Variants in KDM4B observed in about 807,000 individuals in gnomAD.
KDM4B encodes the protein lysine-specific demethylase 4B.
KDM4B carries 32 observed loss-of-function variants against 125.2 expected under a neutral mutation model. That is an observed-to-expected ratio of 0.26 (90% confidence interval 0.19 to 0.34). The LOEUF is 0.34. Among genes scored for constraint, KDM4B ranks in the 10% least tolerant of loss-of-function variants. The pLI is 1.00. For missense variants in KDM4B, 1,190 were observed against 1,577.7 expected (o/e 0.75, Z 4.16); for synonymous variants, 721 against 677.9 (o/e 1.06, Z -0.99).
intron 9 of KDM4B, among the ~76,000 whole-genome samples, chr19:5,089,095 G>A (rs1599595009): frequency 6.6e-6 from 1 of 152,172 alleles, no homozygotes; most frequent in South Asian, 2.1e-4. Flanking sequence ...GGATGAAAAT[G>A]CTCTACCTTT....
chr19:5,113,693 A>G (rs1397240337), intron 10 of KDM4B, among the ~76,000 whole-genome samples: 1 of 152,034 alleles, frequency 6.6e-6, no homozygotes, highest in East Asian at 1.9e-4. Context: ...CCTGGCCTCC[A>G]CCCACTCCAT....
chr19:5,110,968 C>G (rs753181246), intron 10 of KDM4B, 150 bp downstream of exon 10: 20 of 637,524 alleles, frequency 3.1e-5, no homozygotes, highest in Admixed American at 9.2e-5. Context: ...CTCTTTCGTC[C>G]TCCTCCTCCT....
In KDM4B at chr19:5,130,623, A is replaced by C. The variant is rs187548321; in HGVS notation, c.1316-453A>C. Among the ~76,000 whole-genome samples, 6 of 152,378 alleles carry C rather than the reference A, an allele frequency of 3.9e-5. No homozygotes were observed. In the East Asian group the frequency reaches 1.2e-3, roughly 29 times the overall value. On this transcript the variant is annotated intron_variant, in intron 11 of 22. Coordinates refer to ENST00000159111, the MANE Select transcript of KDM4B (RefSeq NM_015015.3). ...TTAACGTTTCTACATCAACAGTAGAAATGTACGTAATTCGGATACACGAGA... is the reference window on the plus strand; with the variant it reads ...TTAACGTTTCTACATCAACAGTAGACATGTACGTAATTCGGATACACGAGA...
rs193211142 is a variant in KDM4B at position 5,021,835 on chromosome 19, G to A, written c.-26+5496G>A. On this transcript the variant is annotated intron_variant, in intron 2 of 22. Coordinates refer to ENST00000159111, the MANE Select transcript of KDM4B (RefSeq NM_015015.3). ...TTTTTTAGTAGAGACAGGGTTTCAC[G>A]GTGTTGGCCAGGATGGTCTTGATCT... Among the ~76,000 whole-genome samples, 758 of 152,096 alleles carry A rather than the reference G, an allele frequency of 5.0e-3. 8 individuals carry two copies. Among genetic ancestry groups the A allele is most frequent in the African/African-American group, 0.017 (725 of 41,494 alleles).
At chr19:5,037,167 C>T (rs983123336) in intron 3 of KDM4B, among the ~76,000 whole-genome samples, 9 of 152,202 alleles carry the variant, frequency 5.9e-5, no homozygotes, top group Non-Finnish European at 4.4e-5. Flanking sequence ...GGCGAATTCA[C>T]GGCTTCCCCT....
At chr19:5,104,214 C>T (rs998038711) in intron 9 of KDM4B, among the ~76,000 whole-genome samples, 11 of 152,314 alleles carry the variant, frequency 7.2e-5, no homozygotes, top group African/African-American at 2.6e-4. Flanking sequence ...GCAGGCGTGC[C>T]AGCACAGCTC....
chr19:5,085,452 G>A (rs950894127), intron 9 of KDM4B, among the ~76,000 whole-genome samples: 4 of 152,212 alleles, frequency 2.6e-5, no homozygotes, highest in Admixed American at 6.5e-5. Context: ...AGGTGCTGTC[G>A]GAGCTGAAAC....
chr19:5,135,594 G>A (rs759046118), intron 15 of KDM4B, 33 bp downstream of exon 15: 16 of 1,531,500 alleles, frequency 1.0e-5, no homozygotes, highest in East Asian at 2.4e-5. Context: ...GAGGAGCTGC[G>A]CCCTCCTTCA....
In KDM4B at chr19:5,035,213, A is replaced by T. The variant is rs548909226; in HGVS notation, c.141+2182A>T. On this transcript the variant is annotated intron_variant, in intron 3 of 22. Transcript: ENST00000159111. The surrounding 1 kb of genome is among the most constrained non-coding windows in gnomAD (Gnocchi z 5.3). Reference sequence around the variant, plus strand: ...CTCCTCTCCCTGGTGCACATAGGGCAGGTGGGACAGGCGTCGCCTCCCTTT... The same window carrying T: ...CTCCTCTCCCTGGTGCACATAGGGCTGGTGGGACAGGCGTCGCCTCCCTTT... Among the ~76,000 whole-genome samples, 259 of 152,258 alleles carry T rather than the reference A, an allele frequency of 1.7e-3. 1 individual carries two copies. The highest frequency in any genetic ancestry group is 4.0e-3 in the Admixed American group (61 of 15,296).
Position 5,142,363 on chromosome 19 carries a change from G to C in KDM4B, c.2551-1604G>C, listed in dbSNP as rs1011489983. Among the ~76,000 whole-genome samples, 3 of 152,204 alleles carry C rather than the reference G, an allele frequency of 2.0e-5. No individual in the cohort carries two copies. The highest frequency in any genetic ancestry group is 6.5e-5 in the Admixed American group (1 of 15,292). Reference sequence around the variant, plus strand: ...GCCCGACCTCCTGTGGCCACAGCGCGTGGCGTGACTGGACCTCGCCTTAGT... The same window carrying C: ...GCCCGACCTCCTGTGGCCACAGCGCCTGGCGTGACTGGACCTCGCCTTAGT... On this transcript the variant is annotated intron_variant, in intron 18 of 22. Transcript: ENST00000159111. The surrounding 1 kb of genome is among the most constrained non-coding windows in gnomAD (Gnocchi z 5.4).
At chr19:5,048,514 C>A (rs185449595) in intron 6 of KDM4B, among the ~76,000 whole-genome samples, 39 of 149,604 alleles carry the variant, frequency 2.6e-4, no homozygotes, top group African/African-American at 9.5e-4. Context: ...GCCGTCCTCG[C>A]GCTGGAGGAG....
At chr19:5,031,973 G>C (rs1462502773) in intron 2 of KDM4B, among the ~76,000 whole-genome samples, 1 of 152,194 alleles carries the variant, frequency 6.6e-6, no homozygotes, top group Non-Finnish European at 1.5e-5. Context: ...GTGTGGACTT[G>C]GGTCCTTGTT....
chr19:5,034,724 A>C lies in KDM4B; in HGVS notation c.141+1693A>C, dbSNP rs1303283183. ...AGTAGCCTTCGTCTCTCTCCTAGTG[A>C]TCCTTCGGTATCAGACTCGCATTGT... On this transcript the variant is annotated intron_variant, in intron 3 of 22. Transcript: ENST00000159111. Among the ~76,000 whole-genome samples the C allele has an allele frequency of 5.9e-5, 9 of 152,034 alleles. No homozygotes were observed. In the East Asian group the frequency reaches 1.7e-3, roughly 29 times the overall value.
intron 1 of KDM4B, among the ~76,000 whole-genome samples, chr19:4,999,375 T>C (rs748384106): frequency 2.6e-5 from 4 of 152,262 alleles, no homozygotes; most frequent in East Asian, 3.9e-4. Context: ...CCCAACTTTT[T>C]GGCACTGGGA....
At chr19:4,975,854 A>G (rs1424398373) in intron 1 of KDM4B, among the ~76,000 whole-genome samples, 4 of 151,394 alleles carry the variant, frequency 2.6e-5, no homozygotes, top group African/African-American at 9.7e-5. Context: ...TGGCCTCCCA[A>G]AGTGCTGGGA....
chr19:5,148,987 C>T (rs927118061), intron 21 of KDM4B, among the ~76,000 whole-genome samples: 3 of 152,252 alleles, frequency 2.0e-5, no homozygotes, highest in African/African-American at 4.8e-5. Flanking sequence ...AACCGGCCAT[C>T]TGAGAGTCCA....
chr19:5,148,012 C>T (rs996861703), intron 21 of KDM4B, among the ~76,000 whole-genome samples: 5 of 152,220 alleles, frequency 3.3e-5, no homozygotes, highest in Middle Eastern at 6.8e-3. Context: ...ACAGCGAGGC[C>T]GAGTGGCTGA....
At chr19:5,052,391 G>A (rs1396278821) in intron 6 of KDM4B, among the ~76,000 whole-genome samples, 1 of 135,090 alleles carries the variant, frequency 7.4e-6, no homozygotes, top group Non-Finnish European at 1.6e-5. Context: ...GGGAGGGTGG[G>A]TTCCAGGGCT....
At chr19:5,116,853 AGGGGAC>A (rs1471899220) in intron 10 of KDM4B, among the ~76,000 whole-genome samples, 1 of 152,174 alleles carries the variant, frequency 6.6e-6, no homozygotes, top group East Asian at 1.9e-4. Context: ...CAGGGAGAGA[AGGGGAC>A]GGTCATGGAG....
Sources: allele counts gnomAD v4.1 joint callset (sites outside exome capture counted in the v4.1 genomes callset), GRCh38; gene constraint gnomAD v4.1.1; non-coding constraint Gnocchi (gnomAD v3.1); transcripts MANE v1.5; gene names NCBI Gene and HGNC (gene_info 2026-07-23, HGNC 2026-07-21).